The following NDUFAF6 variants were observed in gnomAD, a reference collection of about 807,000 sequenced individuals.
NDUFAF6 encodes NADH dehydrogenase (ubiquinone) complex I, assembly factor 6.
In NDUFAF6, 45 loss-of-function variants were observed where a neutral mutation model predicts 40.8. That is an observed-to-expected ratio of 1.10 (90% CI 0.87 to 1.42). NDUFAF6 has a LOEUF of 1.42. NDUFAF6 is among the 40% of genes most tolerant of loss of function. NDUFAF6 has a pLI of 0.00. For missense variants in NDUFAF6, 435 were observed against 418.5 expected (o/e 1.04, Z -0.34); for synonymous variants, 185 against 155.9 (o/e 1.19, Z -1.39).
intron 1 of NDUFAF6, among the ~76,000 whole-genome samples, chr8:94,980,229 T>A (rs1481682279): frequency 6.7e-6 from 1 of 150,036 alleles, no homozygotes; most frequent in African/African-American, 2.4e-5. Flanking sequence ...ATATATATAT[T>A]TTAAAAGAGT....
chr8:94,955,317 A>G (rs1822984307), upstream of NDUFAF6, among the ~76,000 whole-genome samples: 2 of 152,232 alleles, frequency 1.3e-5, no homozygotes, highest in Admixed American at 6.5e-5. Context: ...ACCCACAGAA[A>G]GGCAAGAAAA....
intron 1 of NDUFAF6, among the ~76,000 whole-genome samples, chr8:95,029,175 C>T (rs890240659): frequency 2.0e-5 from 3 of 152,138 alleles, no homozygotes; most frequent in African/African-American, 7.2e-5. Flanking sequence ...AGGTTAGACT[C>T]ATATTAAATA....
intron 2 of NDUFAF6, among the ~76,000 whole-genome samples, chr8:95,091,960 TATA>T (rs1809266371): frequency 6.6e-6 from 1 of 151,564 alleles, no homozygotes; most frequent in African/African-American, 2.4e-5. Flanking sequence ...ACCTCCATTA[TATA>T]ATATTATGCT....
At chr8:95,078,662 A>AAAAAAATATATATATATATATATAT (rs545018367), downstream of NDUFAF6, 1 of 121,048 alleles carries the variant, frequency 8.3e-6, no homozygotes, top group African/African-American at 3.3e-5. Flanking sequence ...AAAAAAAAAA[A>AAAAAAATATATATATATATATATAT]ATATATATAT....
At chr8:95,046,540 A>G (rs1213354327) in intron 5 of NDUFAF6, among the ~76,000 whole-genome samples, 1 of 152,216 alleles carries the variant, frequency 6.6e-6, no homozygotes, top group Non-Finnish European at 1.5e-5. Flanking sequence ...TCCCTAAAAG[A>G]ATAATACAAG....
downstream of NDUFAF6, among the ~76,000 whole-genome samples, chr8:95,108,162 C>G (rs1476829632): frequency 6.6e-6 from 1 of 151,950 alleles, no homozygotes; most frequent in Non-Finnish European, 1.5e-5. Flanking sequence ...ATGGCAGTTA[C>G]TCAAAAAATT....
intron 1 of NDUFAF6, among the ~76,000 whole-genome samples, chr8:94,945,247 G>C (rs1172751610): frequency 6.6e-6 from 1 of 152,086 alleles, no homozygotes; most frequent in African/African-American, 2.4e-5. Flanking sequence ...TGAAAACTTT[G>C]TATCTGAATT....
At chr8:95,075,771 C>T in exon 10 of NDUFAF6, 1 of 1,184,336 alleles carries the variant, frequency 8.4e-7, no homozygotes, top group Non-Finnish European at 1.1e-6. Context: ...GCTTGGAAAC[C>T]TTCTTGCTTA....
At chr8:95,025,362 C>T (rs138287527) in intron 1 of NDUFAF6, among the ~76,000 whole-genome samples, 157 bp downstream of exon 1, 1 of 152,284 alleles carries the variant, frequency 6.6e-6, no homozygotes, top group Non-Finnish European at 1.5e-5. Flanking sequence ...TGCGGGTGTG[C>T]GGAGGCAGCG....
chr8:94,902,143 G>A (rs945258488), intron 1 of NDUFAF6, among the ~76,000 whole-genome samples: 5 of 152,112 alleles, frequency 3.3e-5, no homozygotes, highest in African/African-American at 1.2e-4. Context: ...TATAGCCCGG[G>A]CGTGGTGGCT....
intron 2 of NDUFAF6, among the ~76,000 whole-genome samples, chr8:95,082,172 T>A (rs28682582): frequency 0.45 from 68,269 of 151,736 alleles, 16,075 homozygotes; most frequent in East Asian, 0.74. Flanking sequence ...AAGAGGCATA[T>A]GGTGGAAACC....
chr8:95,031,777 T>G (rs1828876397), intron 1 of NDUFAF6, among the ~76,000 whole-genome samples: 1 of 152,212 alleles, frequency 6.6e-6, no homozygotes, highest in South Asian at 2.1e-4. Context: ...ATTTTTGTAT[T>G]TTTAGTAGAG....
chr8:94,982,382 G>A (rs1387471336), intron 2 of NDUFAF6, among the ~76,000 whole-genome samples: 3 of 152,212 alleles, frequency 2.0e-5, no homozygotes, highest in Non-Finnish European at 2.9e-5. Flanking sequence ...TAGGTTAGGT[G>A]TGTAGTAGGC....
intron 1 of NDUFAF6, among the ~76,000 whole-genome samples, chr8:95,028,663 T>C (rs1366579641): frequency 6.6e-6 from 1 of 152,216 alleles, no homozygotes; most frequent in Admixed American, 6.5e-5. Flanking sequence ...TTTTAGAAGA[T>C]AACCTTGGTA....
intron 2 of NDUFAF6, among the ~76,000 whole-genome samples, chr8:95,094,748 CTTCTTTTTTTT>C (rs1563865864): frequency 5.4e-5 from 4 of 74,254 alleles, no homozygotes; most frequent in South Asian, 1.3e-3. Flanking sequence ...TCTTCTTCTT[CTTCTTTTTTTT>C]TTTTTTTTTA....
chr8:94,981,417 A>G (rs1168452049), intron 2 of NDUFAF6, among the ~76,000 whole-genome samples: 1 of 152,172 alleles, frequency 6.6e-6, no homozygotes, highest in Non-Finnish European at 1.5e-5. Flanking sequence ...TGTTATAGCA[A>G]CAGAAAACGG....
intron 1 of NDUFAF6, among the ~76,000 whole-genome samples, chr8:94,911,579 G>A (rs1187376586): frequency 3.9e-5 from 6 of 152,188 alleles, no homozygotes; most frequent in African/African-American, 7.2e-5. Context: ...GATAATCACT[G>A]TTTCTCCCTT....
chr8:94,920,674 TG>T (rs1225819829), intron 1 of NDUFAF6, among the ~76,000 whole-genome samples: 1 of 152,212 alleles, frequency 6.6e-6, no homozygotes, highest in Non-Finnish European at 1.5e-5. Flanking sequence ...TGCCCAGGCA[TG>T]GGTGCTTCAG....
intron 9 of NDUFAF6, among the ~76,000 whole-genome samples, chr8:95,064,111 C>T (rs1040454775): frequency 1.4e-5 from 2 of 141,210 alleles, no homozygotes; most frequent in Non-Finnish European, 3.0e-5. Context: ...AGGATGGTCT[C>T]GATCTCCTGA....
Sources: allele counts gnomAD v4.1 joint callset (sites outside exome capture counted in the v4.1 genomes callset), GRCh38; gene constraint gnomAD v4.1.1; transcripts MANE v1.5; gene names NCBI Gene and HGNC (gene_info 2026-07-23, HGNC 2026-07-21).